The following MFHAS1 variants were observed in gnomAD, a reference collection of about 807,000 sequenced individuals.
The protein encoded by MFHAS1 is multifunctional ROCO family signaling regulator 1.
MFHAS1 carries 50 observed loss-of-function variants against 70.4 expected under a neutral mutation model. The observed-to-expected ratio is 0.71, with a 90% CI of 0.57 to 0.90. The LOEUF is 0.90. Among genes scored for constraint, MFHAS1 ranks in the 40% least tolerant of loss-of-function variants. The pLI is 0.00. For synonymous variants in MFHAS1, 952 were observed against 620.0 expected (o/e 1.54, Z -7.96); for missense variants, 1,795 against 1,347.6 (o/e 1.33, Z -5.20).
chr8:8,848,644 G>C (rs556289555), intron 1 of MFHAS1, among the ~76,000 whole-genome samples: 3 of 152,116 alleles, frequency 2.0e-5, no homozygotes, highest in Middle Eastern at 3.2e-3. Context: ...ATCAGATCTC[G>C]CAAGAGGTAG....
intron 2 of MFHAS1, among the ~76,000 whole-genome samples, chr8:8,790,018 G>A (rs1436056171): frequency 1.3e-5 from 2 of 152,026 alleles, no homozygotes; most frequent in African/African-American, 2.4e-5. Context: ...TCCTGAAGGT[G>A]TGGACCCACT....
chr8:8,882,566 C>T (rs1314150023), intron 1 of MFHAS1, among the ~76,000 whole-genome samples: 1 of 151,818 alleles, frequency 6.6e-6, no homozygotes, highest in African/African-American at 2.4e-5. Context: ...GAGCTGAGAT[C>T]GCGCCATTGC....
At chr8:8,859,131 T>A (rs1220262683) in intron 1 of MFHAS1, among the ~76,000 whole-genome samples, 3 of 152,164 alleles carry the variant, frequency 2.0e-5, no homozygotes, top group Non-Finnish European at 4.4e-5. Context: ...GATGCAAGGA[T>A]CACTTGAGGT....
chr8:8,891,774 G>A lies in MFHAS1; in HGVS notation c.1285C>T (p.Leu429Phe), dbSNP rs1810054128. The change falls in exon 1 of 3, where the codon CTC (leucine) becomes TTC (phenylalanine). Residue 429 changes from leucine to phenylalanine, a missense_variant. Transcript: ENST00000276282. This position sits in a 1 kb window ranked among gnomAD's most constrained non-coding sequence, Gnocchi z 5.4. ...AAGKTLLRHCLTEERVEGCPG... is the reference protein window; with the variant it reads ...AAGKTLLRHCFTEERVEGCPG... ...CATCCCTCCACTCTCTCCTCGGTGAGGCAGTGGCGCAGCAAAGTCTTTCCT... is the reference window on the plus strand; with the variant it reads ...CATCCCTCCACTCTCTCCTCGGTGAAGCAGTGGCGCAGCAAAGTCTTTCCT... 6.2e-6 allele frequency: 10 copies of A among 1,613,230 alleles called. No homozygotes were observed. Among genetic ancestry groups the A allele is most frequent in the South Asian group, 4.4e-5 (4 of 91,090 alleles).
At chr8:8,793,480 G>T (rs1201287210) in intron 2 of MFHAS1, among the ~76,000 whole-genome samples, 1 of 152,178 alleles carries the variant, frequency 6.6e-6, no homozygotes, top group African/African-American at 2.4e-5. Flanking sequence ...AGCCACCTAA[G>T]CCCCACAAAA....
intron 2 of MFHAS1, among the ~76,000 whole-genome samples, chr8:8,792,012 C>A (rs1805734532): frequency 6.6e-6 from 1 of 151,666 alleles, no homozygotes; most frequent in African/African-American, 2.4e-5. Flanking sequence ...GAGGCCGAGG[C>A]AGGCGGATCA....
intron 1 of MFHAS1, among the ~76,000 whole-genome samples, chr8:8,830,938 C>CA: frequency 6.6e-6 from 1 of 152,316 alleles, no homozygotes; most frequent in South Asian, 2.1e-4. Context: ...AGTCAGCTTG[C>CA]TCTTTGTCTT....
intron 1 of MFHAS1, among the ~76,000 whole-genome samples, chr8:8,849,467 C>T (rs144440671): frequency 1.3e-3 from 203 of 152,316 alleles, no homozygotes; most frequent in African/African-American, 4.7e-3. Flanking sequence ...TTCACCACCC[C>T]ACATGTGCAT....
chr8:8,846,352 AGGG>A (rs1808039088), intron 1 of MFHAS1, among the ~76,000 whole-genome samples: 1 of 40,072 alleles, frequency 2.5e-5, no homozygotes, highest in African/African-American at 1.2e-4. Context: ...GAGGGGGAGG[AGGG>A]GGAGGAGGAG....
chr8:8,788,215 G>C (rs2409088), intron 2 of MFHAS1, among the ~76,000 whole-genome samples: 91,833 of 152,134 alleles, frequency 0.6, 28,502 homozygotes, highest in East Asian at 0.9. Context: ...CTGGAGGGCA[G>C]GATTTGATTT....
chr8:8,887,856 A>C lies in MFHAS1; in HGVS notation c.2998+2205T>G, dbSNP rs368590388. Reference sequence around the variant, plus strand: ...CATAAAGAGCTGACGTTAGCAAAAAAAACAAAAAAAAAAAAAAAAAAACCT... The same window carrying C: ...CATAAAGAGCTGACGTTAGCAAAAACAACAAAAAAAAAAAAAAAAAAACCT... On this transcript the variant is annotated intron_variant, in intron 1 of 2. Coordinates refer to ENST00000276282, the MANE Select transcript of MFHAS1 (RefSeq NM_004225.3). Among the ~76,000 whole-genome samples, 694 of 142,248 alleles carry C rather than the reference A, an allele frequency of 4.9e-3. 5 individuals are homozygous for C. The highest frequency in any genetic ancestry group is 0.018 in the African/African-American group (662 of 36,088). The allele number at this position is 142,248 out of a possible 152,430, so 93.3% of individuals were successfully genotyped here.
At chr8:8,852,224 T>A (rs1482780866) in intron 1 of MFHAS1, among the ~76,000 whole-genome samples, 1 of 152,036 alleles carries the variant, frequency 6.6e-6, no homozygotes, top group South Asian at 2.1e-4. Context: ...ACACCTGTAA[T>A]CACATTTGGG....
chr8:8,860,575 C>G (rs1808624224), intron 1 of MFHAS1, among the ~76,000 whole-genome samples: 2 of 152,166 alleles, frequency 1.3e-5, no homozygotes, highest in Admixed American at 1.3e-4. Flanking sequence ...TCCTGTGGTG[C>G]TGAGAGTGGC....
intron 1 of MFHAS1, among the ~76,000 whole-genome samples, chr8:8,840,478 A>G (rs891458083): frequency 2.0e-5 from 3 of 151,212 alleles, no homozygotes; most frequent in African/African-American, 7.3e-5. Flanking sequence ...AAAAAAAAAA[A>G]AAAAGAATGG....
intron 2 of MFHAS1, among the ~76,000 whole-genome samples, chr8:8,795,540 T>C (rs1352641031): frequency 6.6e-6 from 1 of 152,246 alleles, no homozygotes; most frequent in South Asian, 2.1e-4. Flanking sequence ...GAGCATTAGA[T>C]AACAGTTTCC....
At chr8:8,791,844 C>T (rs2117247232) in intron 2 of MFHAS1, among the ~76,000 whole-genome samples, 1 of 152,292 alleles carries the variant, frequency 6.6e-6, no homozygotes, top group African/African-American at 2.4e-5. Context: ...CAGCTCCTCT[C>T]CACCATCCAG....
At chr8:8,874,193 T>C (rs1809198579) in intron 1 of MFHAS1, among the ~76,000 whole-genome samples, 1 of 152,160 alleles carries the variant, frequency 6.6e-6, no homozygotes, top group Admixed American at 6.5e-5. Context: ...TGAGTATTTC[T>C]TACACCTCTG....
Position 8,886,729 on chromosome 8 carries a change from C to T in MFHAS1, c.2998+3332G>A, listed in dbSNP as rs141904416. Among the ~76,000 whole-genome samples the T allele has an allele frequency of 5.1e-3, 770 of 152,234 alleles. 7 individuals are homozygous for T. Among genetic ancestry groups the T allele is most frequent in the African/African-American group, 0.018 (737 of 41,534 alleles). On this transcript the variant is annotated intron_variant, in intron 1 of 2. Coordinates refer to ENST00000276282, the MANE Select transcript of MFHAS1 (RefSeq NM_004225.3). Reference sequence around the variant, plus strand: ...AAAATTCAAAGTCCAACTTTTTCAGCGTTGCATATAAAATTGTTATAGTTT... The same window carrying T: ...AAAATTCAAAGTCCAACTTTTTCAGTGTTGCATATAAAATTGTTATAGTTT...
intron 1 of MFHAS1, among the ~76,000 whole-genome samples, chr8:8,877,846 C>T (rs751495494): frequency 1.3e-5 from 2 of 152,210 alleles, no homozygotes; most frequent in Non-Finnish European, 2.9e-5. Flanking sequence ...CAAGTGTCTA[C>T]CAGTCCATGA....
Sources: gnomAD v4.1 joint callset for allele counts (sites outside exome capture counted in the v4.1 genomes callset) on GRCh38, gnomAD v4.1.1 for gene constraint, Gnocchi (gnomAD v3.1) non-coding constraint, MANE v1.5 for transcripts, NCBI Gene and HGNC (gene_info 2026-07-23, HGNC 2026-07-21) for gene names.